The following NAA11 variants were observed in gnomAD, a reference collection of about 807,000 sequenced individuals.
NAA11 encodes the protein N-alpha-acetyltransferase 11.
In NAA11, 15 loss-of-function variants were observed where a neutral mutation model predicts 16.1. The observed-to-expected ratio is 0.93, with a 90% CI of 0.62 to 1.44. NAA11 has a LOEUF of 1.44. Ranked by LOEUF, NAA11 falls within the 40% of genes most tolerant of loss-of-function variation. The pLI is 0.00. For missense variants in NAA11, 298 were observed against 291.3 expected (o/e 1.02, Z -0.17); for synonymous variants, 122 against 112.4 (o/e 1.09, Z -0.54).
chr4:79,310,078 A>G (rs113166476), intron 1 of NAA11, among the ~76,000 whole-genome samples: 1 of 152,052 alleles, frequency 6.6e-6, no homozygotes, highest in Non-Finnish European at 1.5e-5. Flanking sequence ...ATTATTCCTC[A>G]TCTGTGAACC....
chr4:79,271,474 A>G (rs1722491254), intron 2 of NAA11, among the ~76,000 whole-genome samples: 1 of 152,080 alleles, frequency 6.6e-6, no homozygotes, highest in African/African-American at 2.4e-5. Context: ...GTAAAGGAGA[A>G]CATAAAAATT....
chr4:79,178,179 T>C, the NAA11 span, among the ~76,000 whole-genome samples: 1 of 152,270 alleles, frequency 6.6e-6, no homozygotes, highest in African/African-American at 2.4e-5. Flanking sequence ...ACAAAGTCTG[T>C]TTTATTTTTA....
chr4:79,306,172 C>T (rs1301512963), intron 1 of NAA11, among the ~76,000 whole-genome samples: 1 of 152,160 alleles, frequency 6.6e-6, no homozygotes, highest in African/African-American at 2.4e-5. Context: ...AACTTTGGGC[C>T]TTTCTATCTT....
the NAA11 span, among the ~76,000 whole-genome samples, chr4:79,181,261 C>T: frequency 6.6e-6 from 1 of 151,618 alleles, no homozygotes; most frequent in Non-Finnish European, 1.5e-5. Context: ...AGCCTTTGTC[C>T]ACTTCCCTGG....
the NAA11 span, among the ~76,000 whole-genome samples, chr4:79,160,818 G>C: frequency 1.3e-5 from 2 of 151,892 alleles, no homozygotes; most frequent in South Asian, 4.2e-4. Context: ...CTTTCTTGAT[G>C]ATGTTCTTTG....
chr4:79,232,322 C>T (rs1446494772), intron 2 of NAA11, among the ~76,000 whole-genome samples: 1 of 151,800 alleles, frequency 6.6e-6, no homozygotes, highest in Non-Finnish European at 1.5e-5. Flanking sequence ...TTTTCTTTAG[C>T]TCCAAAACAA....
chr4:79,199,059 C>A, the NAA11 span, among the ~76,000 whole-genome samples: 2 of 151,942 alleles, frequency 1.3e-5, no homozygotes, highest in Non-Finnish European at 2.9e-5. Context: ...GATTTAGATA[C>A]CAGATGTCAA....
the NAA11 span, among the ~76,000 whole-genome samples, chr4:79,165,449 C>T: frequency 6.6e-6 from 1 of 152,222 alleles, no homozygotes; most frequent in East Asian, 1.9e-4. Flanking sequence ...GAAAGCAAGT[C>T]TCTTCAGACA....
At chr4:79,217,150 G>A in the NAA11 span, among the ~76,000 whole-genome samples, 8 of 152,266 alleles carry the variant, frequency 5.3e-5, no homozygotes, top group Admixed American at 2.0e-4. Flanking sequence ...CTGGCATCTT[G>A]CATATTGTGC....
intron 2 of NAA11, among the ~76,000 whole-genome samples, chr4:79,285,013 G>A (rs1371463938): frequency 2.0e-5 from 3 of 151,924 alleles, no homozygotes; most frequent in Admixed American, 6.6e-5. Context: ...AGATTCTTTA[G>A]TGGGGTGCAT....
chr4:79,160,832 CA>C, the NAA11 span, among the ~76,000 whole-genome samples: 1 of 151,718 alleles, frequency 6.6e-6, no homozygotes, highest in African/African-American at 2.4e-5. Flanking sequence ...TTCTTTGAAA[CA>C]TAAAAGTTTT....
At chr4:79,182,693 CA>C in the NAA11 span, among the ~76,000 whole-genome samples, 1 of 152,074 alleles carries the variant, frequency 6.6e-6, no homozygotes, top group Admixed American at 6.5e-5. Flanking sequence ...CTAATGGATG[CA>C]TTTATGCTAG....
chr4:79,272,879 C>T (rs1326669133), intron 2 of NAA11, among the ~76,000 whole-genome samples: 9 of 151,884 alleles, frequency 5.9e-5, no homozygotes, highest in Admixed American at 2.0e-4. Flanking sequence ...GAATGGTTGG[C>T]ATTCTTGAGC....
chr4:79,229,058 G>GT (rs1051293204), intron 2 of NAA11, among the ~76,000 whole-genome samples: 6 of 151,742 alleles, frequency 4.0e-5, no homozygotes, highest in South Asian at 2.1e-4. Flanking sequence ...TAGTGCAGAA[G>GT]TTTTTTTTAC....
chr4:79,188,594 G>GA, the NAA11 span, among the ~76,000 whole-genome samples: 18,251 of 136,250 alleles, frequency 0.13, 1,306 homozygotes, highest in African/African-American at 0.2. Context: ...CAAAAAAAAA[G>GA]AAAAAAAAAA....
intron 2 of NAA11, among the ~76,000 whole-genome samples, chr4:79,292,052 G>C (rs977550122): frequency 1.3e-5 from 2 of 152,160 alleles, no homozygotes; most frequent in Admixed American, 1.3e-4. Context: ...TGTGAAAACA[G>C]AATAAATTTC....
intron 2 of NAA11, among the ~76,000 whole-genome samples, chr4:79,228,243 T>A (rs1211268986): frequency 1.3e-5 from 2 of 152,086 alleles, no homozygotes; most frequent in Non-Finnish European, 1.5e-5. Context: ...TGTTAATTTT[T>A]GACAGGATTT....
intron 2 of NAA11, among the ~76,000 whole-genome samples, chr4:79,241,604 T>G (rs775591068): frequency 6.6e-6 from 1 of 152,246 alleles, no homozygotes; most frequent in Admixed American, 6.5e-5. Context: ...CGGTGGAGAT[T>G]AACTTTATAA....
intron 1 of NAA11, among the ~76,000 whole-genome samples, chr4:79,320,282 C>T (rs919135093): frequency 6.6e-6 from 1 of 152,188 alleles, no homozygotes; most frequent in African/African-American, 2.4e-5. Context: ...TCCAAGATTG[C>T]AAACTGTTGC....
Sources: gnomAD v4.1 joint callset for allele counts (sites outside exome capture counted in the v4.1 genomes callset) on GRCh38, gnomAD v4.1.1 for gene constraint, MANE v1.5 for transcripts, NCBI Gene and HGNC (gene_info 2026-07-23, HGNC 2026-07-21) for gene names.